SHOX: variants seen among roughly 807,000 people sequenced by gnomAD.
The protein encoded by SHOX is SHOX homeobox, also known as short stature homeobox protein.
In SHOX, 12 loss-of-function variants were observed where a neutral mutation model predicts 29.6. The ratio of observed to expected loss-of-function variants is 0.41; its 90% CI spans 0.26 to 0.66. The LOEUF is 0.66. Among genes scored for constraint, SHOX ranks in the 30% least tolerant of loss-of-function variants. SHOX has a pLI of 0.35. For missense variants in SHOX, 499 were observed against 437.7 expected, an observed-to-expected ratio of 1.14 and a Z score of -1.25; for synonymous variants, 214 against 200.6, an observed-to-expected ratio of 1.07 and a Z score of -0.57.
rs113697515 is a variant in SHOX at position 636,943 on chromosome X, T to TAA, written c.486+2121_486+2122dup. On this transcript the variant is annotated intron_variant, in intron 2 of 4. Transcript: ENST00000686671. ...AGAGGGTTTTACGAGCTCTTTCATT[T>TAA]AAAAATATATATATATATATATATA... 3.0e-5 allele frequency among the ~76,000 whole-genome samples: 4 copies of TAA among 131,254 alleles called. No individual in the cohort carries two copies. The South Asian group carries it at 7.0e-4, about 23-fold the overall frequency. 86.1% of individuals were successfully genotyped at this position (131,254 alleles called of 152,430 possible).
downstream of SHOX, among the ~76,000 whole-genome samples, chrX:651,723 G>A (rs950371408): frequency 3.3e-5 from 5 of 151,150 alleles, no homozygotes; most frequent in Admixed American, 2.6e-4. Context: ...TTCCAGGGTG[G>A]GTACCCAGTG....
chrX:644,516 GGCCGAGTCCGCCTCGGCCGCC>G lies in SHOX; in HGVS notation c.764_784del (p.Glu255_Ala261del). The G allele has an allele frequency of 6.6e-7, 1 of 1,519,862 alleles. No homozygotes were observed. The highest frequency in any genetic ancestry group is 1.2e-5 in the South Asian group (1 of 82,276). The allele number at this position is 1,519,862 out of a possible 1,614,324, so 94.1% of individuals were successfully genotyped here. On this transcript the variant is annotated inframe_deletion, in exon 5 of 5. Coordinates refer to ENST00000686671, the MANE Select transcript of SHOX (RefSeq NM_000451.4). ...CCTTCGGGCTGCCCATCGCGTCGCTGGCCGAGTCCGCCTCGGCCGCCGCCGTGGTCGCCGCCGCCGCCAAAA... is the reference window on the plus strand; with the variant it reads ...CCTTCGGGCTGCCCATCGCGTCGCTGGCCGTGGTCGCCGCCGCCGCCAAAA...
chrX:650,698 C>T lies in SHOX; in HGVS notation c.*6062C>T, dbSNP rs2053041115. On this transcript the variant is annotated 3_prime_UTR_variant, in exon 5 of 5. Transcript: ENST00000686671. ...GCACACGGCAGCCACTCCCACGACA[C>T]ACATTTCGGAGGCACTTTGCTGGAA... is the stretch of plus-strand genomic sequence containing the variant. Among the ~76,000 whole-genome samples, 1 of 147,772 alleles carries T rather than the reference C, an allele frequency of 6.8e-6. No individual in the cohort carries two copies. The highest frequency in any genetic ancestry group is 1.5e-5 in the Non-Finnish European group (1 of 67,320).
chrX:627,302 C>G (rs2052555363), upstream of SHOX, among the ~76,000 whole-genome samples: 1 of 152,172 alleles, frequency 6.6e-6, no homozygotes, highest in African/African-American at 2.4e-5. Flanking sequence ...GTAGAAAAAG[C>G]TCTCGTCTGG....
intron 4 of SHOX, among the ~76,000 whole-genome samples, chrX:641,665 G>A (rs777842217): frequency 1.4e-5 from 2 of 142,590 alleles, no homozygotes; most frequent in South Asian, 2.3e-4. Context: ...GGGTGACAGA[G>A]TGAGACTCCA....
chrX:626,965 T>C (rs1200276738), upstream of SHOX, among the ~76,000 whole-genome samples: 1 of 151,702 alleles, frequency 6.6e-6, no homozygotes, highest in Non-Finnish European at 1.5e-5. Context: ...TCTGTCTGTA[T>C]CTCTGTCTAC....
intron 5 of SHOX, among the ~76,000 whole-genome samples, chrX:658,502 GCT>G (rs1381288694): frequency 7.1e-6 from 1 of 141,516 alleles, no homozygotes; most frequent in Non-Finnish European, 1.5e-5. Context: ...ACGGAGTCTC[GCT>G]CTGTCACCCA....
chrX:639,661 C>T (rs1456120528), intron 2 of SHOX, among the ~76,000 whole-genome samples: 7 of 152,224 alleles, frequency 4.6e-5, no homozygotes, highest in Non-Finnish European at 1.0e-4. Context: ...AGTTCATCAG[C>T]GGTAACGCAT....
At chrX:642,199 C>T (rs150206735) in intron 4 of SHOX, among the ~76,000 whole-genome samples, 3 of 152,048 alleles carry the variant, frequency 2.0e-5, no homozygotes, top group African/African-American at 7.3e-5. Context: ...CGCCCACGTG[C>T]GCCCTGCCTG....
intron 4 of SHOX, among the ~76,000 whole-genome samples, chrX:643,098 G>T (rs774842366): frequency 0.07 from 10,028 of 143,510 alleles, 484 homozygotes; most frequent in South Asian, 0.14. Flanking sequence ...CTGGTGTCCT[G>T]GGAGAGGCTT....
chrX:625,156 TCTTC>T lies in SHOX; in HGVS notation c.-433+560_-433+563del, dbSNP rs1311798123. Among the ~76,000 whole-genome samples the T allele has an allele frequency of 2.1e-5, 3 of 144,882 alleles. No homozygotes were observed. In the East Asian group the frequency reaches 6.3e-4, roughly 31 times the overall value. ...TTTTCTTTCTCTTTCATTTCTTTCC[TCTTC>T]CTTCCCCCATCCTCCCCCTTCATCG... is the stretch of plus-strand genomic sequence containing the variant. On this transcript the variant is annotated intron_variant, in intron 1 of 5. Transcript: ENST00000334060.
chrX:644,185 G>A (rs2052920560), intron 4 of SHOX: 2 of 272,196 alleles, frequency 7.3e-6, no homozygotes, highest in African/African-American at 4.6e-5. Context: ...CCCCTGGCCC[G>A]GCTCCCGCGG....
At chrX:625,560 C>T (rs754212675) in intron 1 of SHOX, among the ~76,000 whole-genome samples, 1 of 150,470 alleles carries the variant, frequency 6.6e-6, no homozygotes, top group Non-Finnish European at 1.5e-5. Context: ...TCCTCTGTCT[C>T]TCTGTATCTC....
upstream of SHOX, among the ~76,000 whole-genome samples, chrX:627,307 G>A (rs1261900737): frequency 3.9e-5 from 6 of 152,154 alleles, no homozygotes; most frequent in African/African-American, 7.2e-5. Context: ...AAAAGCTCTC[G>A]TCTGGATTTC....
At position 634,842 on chromosome X, in the gene SHOX, C is replaced by T. The variant is rs905837553; in HGVS notation, c.486+16C>T. 6.9e-7 allele frequency: 1 copy of T among 1,458,248 alleles called. No homozygotes were observed. Among genetic ancestry groups the T allele is most frequent in the East Asian group, 2.5e-5 (1 of 40,548 alleles). The allele number at this position is 1,458,248 out of a possible 1,614,324, so 90.3% of individuals were successfully genotyped here. On this transcript the variant is annotated intron_variant, in intron 2 of 4. Coordinates refer to ENST00000686671, the MANE Select transcript of SHOX (RefSeq NM_000451.4). Reference sequence around the variant, plus strand: ...GCGCGTGCAGGTAGGAACCCGGGGGCGGGGGCGGGGGGCCCGGAGCCATCG... The same window carrying T: ...GCGCGTGCAGGTAGGAACCCGGGGGTGGGGGCGGGGGGCCCGGAGCCATCG...
At chrX:652,341 T>A (rs900461564), downstream of SHOX, among the ~76,000 whole-genome samples, 163 of 12,310 alleles carry the variant, frequency 0.013, 4 homozygotes, top group Non-Finnish European at 0.023. Context: ...AAATGACAAA[T>A]TTTTTTTTTT....
downstream of SHOX, among the ~76,000 whole-genome samples, chrX:652,530 G>C (rs184896573): frequency 6.6e-6 from 1 of 152,022 alleles, no homozygotes; most frequent in African/African-American, 2.4e-5. Context: ...TGCTGGGGGA[G>C]CTTTCTCTGT....
chrX:624,827 T>TTTCC (rs1415113349), intron 1 of SHOX, among the ~76,000 whole-genome samples: 1 of 146,942 alleles, frequency 6.8e-6, no homozygotes, highest in Non-Finnish European at 1.5e-5. Context: ...TCCTTCGTTC[T>TTTCC]TTCCTTCCTT....
chrX:630,674 C>A, upstream of SHOX: 1 of 614,196 alleles, frequency 1.6e-6, no homozygotes, highest in South Asian at 1.9e-5. Flanking sequence ...GGAGACACAG[C>A]GTCTCTGCGT....
Sources: gnomAD v4.1 joint callset for allele counts (sites outside exome capture counted in the v4.1 genomes callset) on GRCh38, gnomAD v4.1.1 for gene constraint, MANE v1.5 for transcripts, NCBI Gene and HGNC (gene_info 2026-07-23, HGNC 2026-07-21) for gene names.